Variants in VASH2 observed in about 807,000 individuals in gnomAD.
The protein encoded by VASH2 is vasohibin 2.
VASH2 carries 28 observed loss-of-function variants against 37.2 expected under a neutral mutation model. The ratio of observed to expected loss-of-function variants is 0.75; its 90% CI spans 0.56 to 1.03. The LOEUF (loss-of-function observed/expected upper bound fraction) is 1.03, where lower values mean the gene tolerates loss of function less well. Ranked by LOEUF, VASH2 falls within the 50% of genes least tolerant of loss-of-function variation. The pLI is 0.00. For synonymous variants in VASH2, 188 were observed against 174.7 expected, an observed-to-expected ratio of 1.08 and a Z score of -0.60; for missense variants, 419 against 459.1, an observed-to-expected ratio of 0.91 and a Z score of 0.80.
At chr1:212,970,444 A>G (rs1191419543) in intron 5 of VASH2, among the ~76,000 whole-genome samples, 1 of 152,178 alleles carries the variant, frequency 6.6e-6, no homozygotes, top group African/African-American at 2.4e-5. Context: ...TCCTCTGTCC[A>G]CCCAGAGGTT....
chr1:212,978,493 C>T (rs543085353), intron 7 of VASH2, among the ~76,000 whole-genome samples: 3 of 152,326 alleles, frequency 2.0e-5, no homozygotes, highest in East Asian at 1.9e-4. Flanking sequence ...CGATCCCAGC[C>T]CCAGTGGGGA....
rs542877853 is a variant in VASH2, at chr1:212,957,201, C to T, written c.277-3965C>T. 3.3e-5 allele frequency among the ~76,000 whole-genome samples: 5 copies of T among 152,346 alleles called. No homozygotes were observed. The East Asian group carries it at 5.8e-4, about 18-fold the overall frequency. ...ATCTATGTGATAGCATGTGTCAAAA[C>T]GTCTTTCCTTTTAAAGGCTGAATCG... On this transcript the variant is annotated intron_variant, in intron 2 of 7. Transcript: ENST00000517399.
chr1:212,961,439 C>G, intron 3 of VASH2, 185 bp downstream of exon 3: 1 of 1,319,700 alleles, frequency 7.6e-7, no homozygotes, highest in Non-Finnish European at 1.0e-6. Flanking sequence ...ATTGCAGTGA[C>G]CCAGTAGGGC....
At chr1:212,979,298 C>T (rs900485079) in intron 7 of VASH2, among the ~76,000 whole-genome samples, 5 of 152,236 alleles carry the variant, frequency 3.3e-5, no homozygotes, top group African/African-American at 1.2e-4. Flanking sequence ...ATGGTCTTGA[C>T]CCAATCACTC....
At chr1:212,965,120 C>T (rs935311614) in intron 3 of VASH2, among the ~76,000 whole-genome samples, 1 of 152,196 alleles carries the variant, frequency 6.6e-6, no homozygotes, top group Admixed American at 6.5e-5. Context: ...TGGATTTTGC[C>T]ATGTTGGCCA....
intron 2 of VASH2, among the ~76,000 whole-genome samples, chr1:212,957,379 A>G (rs553846350): frequency 5.9e-5 from 9 of 152,178 alleles, no homozygotes; most frequent in Non-Finnish European, 8.8e-5. Flanking sequence ...GCATGAGCTC[A>G]TAATGAATTA....
intron 3 of VASH2, chr1:212,961,494 C>A: frequency 3.0e-6 from 2 of 670,164 alleles, no homozygotes; most frequent in Non-Finnish European, 4.6e-6. Context: ...TCTCCCTCCT[C>A]TTCCCTGTCC....
At chr1:212,985,978 G>A (rs930884308) in intron 7 of VASH2, among the ~76,000 whole-genome samples, 1 of 152,090 alleles carries the variant, frequency 6.6e-6, no homozygotes, top group Non-Finnish European at 1.5e-5. Flanking sequence ...ATGGGAGACG[G>A]GTGTTTTATA....
At chr1:212,961,492 C>T (rs983371803) in intron 3 of VASH2, 1 of 707,330 alleles carries the variant, frequency 1.4e-6, no homozygotes, top group Non-Finnish European at 2.2e-6. Flanking sequence ...TTTCTCCCTC[C>T]TCTTCCCTGT....
chr1:212,975,102 C>T (rs1558149730), intron 7 of VASH2, among the ~76,000 whole-genome samples: 1 of 152,126 alleles, frequency 6.6e-6, no homozygotes, highest in Non-Finnish European at 1.5e-5. Flanking sequence ...AACCAGGACA[C>T]AAAAAGGGCT....
chr1:212,968,320 C>T (rs1666910315), intron 5 of VASH2: 4 of 985,212 alleles, frequency 4.1e-6, no homozygotes, highest in Non-Finnish European at 4.8e-6. Flanking sequence ...ATGAAAGAGA[C>T]TTAAGAAGGA....
Position 212,989,511 on chromosome 1 carries a change from C to T in VASH2, c.*927C>T, listed in dbSNP as rs1351015930. The T allele has an allele frequency of 1.3e-5, 2 of 152,196 alleles. No individual in the cohort carries two copies. Among genetic ancestry groups the T allele is most frequent in the Admixed American group, 1.3e-4 (2 of 15,282 alleles). The allele number at this position is 152,196 out of a possible 1,614,324, so 9.4% of individuals were successfully genotyped here. On this transcript the variant is annotated 3_prime_UTR_variant, in exon 8 of 8. Coordinates refer to ENST00000517399, the MANE Select transcript of VASH2 (RefSeq NM_001301056.2). ...CAGAACCAAAAAACCTTTCTGTTCA[C>T]ATTTCATCTGATTTTTAAACTGAGG...
chr1:212,969,217 G>A (rs1459092470), intron 5 of VASH2: 1 of 979,912 alleles, frequency 1.0e-6, no homozygotes, highest in South Asian at 4.7e-5. Context: ...TTTTGAGACG[G>A]AGTCTTGGTC....
chr1:212,986,215 G>C (rs1667475069), intron 7 of VASH2, among the ~76,000 whole-genome samples: 1 of 152,174 alleles, frequency 6.6e-6, no homozygotes, highest in South Asian at 2.1e-4. Context: ...GAATGCATAG[G>C]TACTGCAGGT....
At chr1:212,967,185 T>G in intron 5 of VASH2, 1 of 1,304,242 alleles carries the variant, frequency 7.7e-7, no homozygotes, top group Non-Finnish European at 1.0e-6. Flanking sequence ...CTCCCGGCTC[T>G]TCAGCCTGAG....
At chr1:212,978,689 A>G (rs1667250092) in intron 7 of VASH2, among the ~76,000 whole-genome samples, 1 of 152,228 alleles carries the variant, frequency 6.6e-6, no homozygotes, top group African/African-American at 2.4e-5. Context: ...CCAGTAGGTC[A>G]GAGTCTTTGC....
chr1:212,961,667 T>C (rs3010763), intron 3 of VASH2, among the ~76,000 whole-genome samples: 76,343 of 152,106 alleles, frequency 0.5, 19,713 homozygotes, highest in South Asian at 0.59. Context: ...CGTTGGCGCA[T>C]TCTCAGCTCA....
chr1:212,952,899 C>A (rs530122327), intron 2 of VASH2: 1 of 152,212 alleles, frequency 6.6e-6, no homozygotes, highest in Non-Finnish European at 1.5e-5. Flanking sequence ...CTCTAAACTT[C>A]CTGCTGCAGT....
chr1:212,972,291 A>T (rs1326877542), intron 5 of VASH2, among the ~76,000 whole-genome samples: 1 of 152,194 alleles, frequency 6.6e-6, no homozygotes, highest in Non-Finnish European at 1.5e-5. Flanking sequence ...GGAGCAGAGG[A>T]AAAAGTGCCT....
Sources: allele counts gnomAD v4.1 joint callset (sites outside exome capture counted in the v4.1 genomes callset), GRCh38; gene constraint gnomAD v4.1.1; transcripts MANE v1.5; gene names NCBI Gene and HGNC (gene_info 2026-07-23, HGNC 2026-07-21).